PIGG: variants seen among roughly 807,000 people sequenced by gnomAD.
PIGG encodes the protein phosphatidylinositol glycan anchor biosynthesis class G (EMM blood group), also known as GPI ethanolamine phosphate transferase 2, catalytic subunit.
PIGG carries 70 observed loss-of-function variants against 83.2 expected under a neutral mutation model. The ratio of observed to expected loss-of-function variants is 0.84; its 90% CI spans 0.69 to 1.03. The LOEUF (loss-of-function observed/expected upper bound fraction) is 1.03. Ranked by LOEUF, PIGG falls within the 50% of genes least tolerant of loss-of-function variation. The pLI is 0.00. For synonymous variants in PIGG, 532 were observed against 519.5 expected, an observed-to-expected ratio of 1.02 and a Z score of -0.33; for missense variants, 1,257 against 1,233.6, an observed-to-expected ratio of 1.02 and a Z score of -0.28.
rs530974614 is a variant in PIGG, at chr4:525,416, G to A, written c.2069+1503G>A. On this transcript the variant is annotated intron_variant, in intron 9 of 12. Transcript: ENST00000453061. ...TGCGGCGAGAGTAACAGCAAGGGTT[G>A]CGGTCCCGTCACTGCAGAGAACTCC... The A allele has an allele frequency of 1.4e-5, 13 of 947,072 alleles. No homozygotes were observed. In the South Asian group the frequency reaches 5.8e-4, roughly 43 times the overall value. 58.7% of individuals were successfully genotyped at this position (947,072 alleles called of 1,614,324 possible). A position where few individuals can be genotyped will look rare whatever the true frequency, so the allele number is the denominator to read the frequency against.
In PIGG at chr4:500,559, G is replaced by T; in HGVS notation, c.318G>T (p.Val106=). The T allele has an allele frequency of 6.2e-7, 1 of 1,613,640 alleles. No individual in the cohort carries two copies. The highest frequency in any genetic ancestry group is 8.5e-7 in the Non-Finnish European group (1 of 1,179,532). The change falls in exon 2 of 13, where the codon GTG becomes GTT. Residue 106 remains valine, a synonymous_variant. Coordinates refer to ENST00000453061, the MANE Select transcript of PIGG (RefSeq NM_001127178.3). ...AAAAAGGAGCATCTCACAGTTTTGT[G>T]GCTGAAGCAAAGCCACCTACAGTTA... ...LVEKGASHSF[V]AEAKPPTVTM...
At chr4:502,469 G>A (rs1012127401) in intron 2 of PIGG, 1 of 152,236 alleles carries the variant, frequency 6.6e-6, no homozygotes, top group African/African-American at 2.4e-5. Flanking sequence ...GCATCTCCTG[G>A]TGTTGATACA....
chr4:538,009 T>G lies in PIGG; in HGVS notation c.2736-1144T>G, dbSNP rs137990694. ...CATGTGGGGCCCAGACACACATACGTGCCGACAGGACTGAGGAGCCCTTTA... is the reference window on the plus strand; with the variant it reads ...CATGTGGGGCCCAGACACACATACGGGCCGACAGGACTGAGGAGCCCTTTA... On this transcript the variant is annotated intron_variant, in intron 12 of 12. Coordinates refer to ENST00000453061, the MANE Select transcript of PIGG (RefSeq NM_001127178.3). 5.9e-4 allele frequency among the ~76,000 whole-genome samples: 89 copies of G among 151,140 alleles called. 1 individual carries two copies. The East Asian group carries it at 0.014, about 24-fold the overall frequency.
intron 6 of PIGG, among the ~76,000 whole-genome samples, chr4:516,973 C>T (rs1295389859): frequency 6.6e-6 from 1 of 151,624 alleles, no homozygotes; most frequent in Non-Finnish European, 1.5e-5. Context: ...ACATTACAGG[C>T]TGTGGGGGCA....
intron 6 of PIGG, among the ~76,000 whole-genome samples, chr4:516,812 C>T (rs1724018869): frequency 6.9e-6 from 1 of 145,252 alleles, no homozygotes; most frequent in Admixed American, 7.1e-5. Flanking sequence ...ACTGAGATCG[C>T]GCTACTGCAC....
intron 10 of PIGG, chr4:527,741 C>T: frequency 3.0e-6 from 3 of 985,296 alleles, no homozygotes; most frequent in Non-Finnish European, 3.6e-6. Flanking sequence ...TGTTGATTGG[C>T]GGGAGGGCTC....
chr4:510,411 C>T (rs1721505940), intron 5 of PIGG, among the ~76,000 whole-genome samples: 1 of 152,226 alleles, frequency 6.6e-6, no homozygotes, highest in African/African-American at 2.4e-5. Flanking sequence ...GCCAGGTGTT[C>T]CTTACCCTCA....
chr4:508,735 T>C, intron 4 of PIGG, 94 bp from the exon 5 acceptor site: 5 of 1,123,844 alleles, frequency 4.4e-6, no homozygotes, highest in Non-Finnish European at 1.3e-6. Flanking sequence ...GCTACAACTC[T>C]ATAAAGTAAA....
chr4:531,981 C>G (rs1729179858), intron 11 of PIGG: 1 of 152,434 alleles, frequency 6.6e-6, no homozygotes, highest in African/African-American at 2.4e-5. Context: ...CCAGCCCTCC[C>G]TGGTCTCCCC....
At position 515,118 on chromosome 4, in the gene PIGG, A is replaced by T. The variant is rs1723391438; in HGVS notation, c.902-855A>T. On this transcript the variant is annotated intron_variant, in intron 5 of 12. Transcript: ENST00000453061. This position sits in a 1 kb window ranked among gnomAD's most constrained non-coding sequence, Gnocchi z 4.2. ...ACCACAATCAAAGTAAAACCTCCCC[A>T]GACTCACACCTGAGTATCTAAAGAC... 6.6e-6 allele frequency among the ~76,000 whole-genome samples: 1 copy of T among 152,260 alleles called. No individual in the cohort carries two copies. Among genetic ancestry groups the T allele is most frequent in the Non-Finnish European group, 1.5e-5 (1 of 68,040 alleles).
Position 499,293 on chromosome 4 carries a change from C to A in PIGG, c.-43C>A, listed in dbSNP as rs370814408. 2.0e-5 allele frequency: 32 copies of A among 1,592,692 alleles called. No individual in the cohort carries two copies. The highest frequency in any genetic ancestry group is 2.6e-5 in the Non-Finnish European group (31 of 1,175,282). ...GAAGCGCGGCTGCAGCAGGGCGAGGCTCCAGGTGGGGTCGGTTCCGCATCC... is the reference window on the plus strand; with the variant it reads ...GAAGCGCGGCTGCAGCAGGGCGAGGATCCAGGTGGGGTCGGTTCCGCATCC... On this transcript the variant is annotated 5_prime_UTR_variant, in exon 1 of 13. Coordinates refer to ENST00000453061, the MANE Select transcript of PIGG (RefSeq NM_001127178.3).
Position 528,973 on chromosome 4 carries a change from C to T in PIGG, c.2262-1463C>T, listed in dbSNP as rs146825084. 1.8e-3 allele frequency among the ~76,000 whole-genome samples: 271 copies of T among 152,288 alleles called. No homozygotes were observed. Among genetic ancestry groups the T allele is most frequent in the South Asian group, 3.5e-3 (17 of 4,826 alleles). On this transcript the variant is annotated intron_variant, in intron 10 of 12. Coordinates refer to ENST00000453061, the MANE Select transcript of PIGG (RefSeq NM_001127178.3). The surrounding 1 kb of genome is among the most constrained non-coding windows in gnomAD (Gnocchi z 4.8). ...AGATCATTGTAACAGCTGCCGCTCT[C>T]CTGTCAGTCCCCCGGGCCCTGCCAT...
At chr4:501,426 G>T (rs966835394) in intron 2 of PIGG, among the ~76,000 whole-genome samples, 3 of 152,230 alleles carry the variant, frequency 2.0e-5, no homozygotes, top group African/African-American at 4.8e-5. Flanking sequence ...AACTGAGACT[G>T]GAAGGATGAA....
Position 500,565 on chromosome 4 carries a change from A to G in PIGG, c.324A>G (p.Glu108=). ...EKGASHSFVA[E]AKPPTVTMPR... is the part of the protein sequence containing the mutation. ...GAGCATCTCACAGTTTTGTGGCTGA[A>G]GCAAAGCCACCTACAGTTACTATGC... is the stretch of plus-strand genomic sequence containing the variant. The change falls in exon 2 of 13, where the codon GAA becomes GAG. Residue 108 remains glutamate (E), a synonymous_variant. Coordinates refer to ENST00000453061, the MANE Select transcript of PIGG (RefSeq NM_001127178.3). 6.2e-7 allele frequency: 1 copy of G among 1,612,758 alleles called. No individual in the cohort carries two copies. Among genetic ancestry groups the G allele is most frequent in the Non-Finnish European group, 8.5e-7 (1 of 1,178,714 alleles).
rs907025746 is a variant in PIGG at position 499,252 on chromosome 4, C to T, written c.-84C>T. On this transcript the variant is annotated 5_prime_UTR_variant, in exon 1 of 13. Coordinates refer to ENST00000453061, the MANE Select transcript of PIGG (RefSeq NM_001127178.3). ...AAGGCCTGGCGTTATTGCTTAGAGG[C>T]GGCTACCTGGAGCCGGAAGCGCGGC... 3.4e-6 allele frequency: 5 copies of T among 1,457,770 alleles called. No homozygotes were observed. Among genetic ancestry groups the T allele is most frequent in the South Asian group, 2.4e-5 (2 of 84,420 alleles). 90.3% of individuals were successfully genotyped at this position (1,457,770 alleles called of 1,614,324 possible).
chr4:534,988 T>C (rs1560381803), intron 12 of PIGG, among the ~76,000 whole-genome samples: 1 of 152,238 alleles, frequency 6.6e-6, no homozygotes, highest in African/African-American at 2.4e-5. Flanking sequence ...GCCCGTCTTC[T>C]CTGCAGCGTT....
At chr4:520,555 G>T (rs999811745) in intron 6 of PIGG, among the ~76,000 whole-genome samples, 4 of 152,264 alleles carry the variant, frequency 2.6e-5, no homozygotes, top group African/African-American at 9.6e-5. Context: ...GGAAGGGCCA[G>T]TCTGCACTGG....
intron 6 of PIGG, 113 bp from the exon 7 acceptor site, chr4:520,943 A>G (rs1725661668): frequency 1.4e-6 from 1 of 739,418 alleles, no homozygotes; most frequent in African/African-American, 1.8e-5. Flanking sequence ...GTCAGTTGTG[A>G]AAAGTGAAGG....
At chr4:500,731 G>T in intron 2 of PIGG, 130 bp downstream of exon 2, 1 of 657,984 alleles carries the variant, frequency 1.5e-6, no homozygotes, top group Non-Finnish European at 2.7e-6. Context: ...GTTGGCTGGG[G>T]CAATAGAATG....
Sources: gnomAD v4.1 joint callset for allele counts (sites outside exome capture counted in the v4.1 genomes callset) on GRCh38, gnomAD v4.1.1 for gene constraint, Gnocchi (gnomAD v3.1) non-coding constraint, MANE v1.5 for transcripts, NCBI Gene and HGNC (gene_info 2026-07-23, HGNC 2026-07-21) for gene names.